Variants in AFF3 observed in about 807,000 individuals in gnomAD.
The protein encoded by AFF3 is AF4/FMR2 family member 3.
AFF3 carries 32 observed loss-of-function variants against 129.7 expected under a neutral mutation model. The observed-to-expected ratio is 0.25, with a 90% CI of 0.19 to 0.33. The LOEUF (loss-of-function observed/expected upper bound fraction) is 0.33. Among genes scored for constraint, AFF3 ranks in the 10% least tolerant of loss-of-function variants. The pLI is 1.00. For missense variants in AFF3, 1,373 were observed against 1,592.0 expected, an observed-to-expected ratio of 0.86 and a Z score of 2.34; for synonymous variants, 644 against 635.4, an observed-to-expected ratio of 1.01 and a Z score of -0.20.
At chr2:99,774,561 C>T (rs1438672969) in intron 8 of AFF3, among the ~76,000 whole-genome samples, 1 of 152,022 alleles carries the variant, frequency 6.6e-6, no homozygotes, top group Non-Finnish European at 1.5e-5. Flanking sequence ...GAAACTGGAC[C>T]CCTTCCTTAC....
intron 7 of AFF3, among the ~76,000 whole-genome samples, chr2:99,959,467 AAGGAAG>A (rs1677011059): frequency 6.6e-6 from 1 of 151,680 alleles, no homozygotes; most frequent in Non-Finnish European, 1.5e-5. Context: ...TTGACAAGAA[AAGGAAG>A]ATTAGCACAT....
chr2:100,059,872 G>A (rs927981733), intron 4 of AFF3, among the ~76,000 whole-genome samples: 1 of 152,192 alleles, frequency 6.6e-6, no homozygotes, highest in Non-Finnish European at 1.5e-5. Context: ...CAATGAAAAT[G>A]TATCTGGCAT....
chr2:99,907,087 C>T (rs1694772556), intron 7 of AFF3, among the ~76,000 whole-genome samples: 1 of 152,160 alleles, frequency 6.6e-6, no homozygotes, highest in African/African-American at 2.4e-5. Context: ...ATCAACCTCC[C>T]TCAACCCCTT....
chr2:99,733,107 C>T (rs1679965763), intron 10 of AFF3, among the ~76,000 whole-genome samples: 2 of 151,890 alleles, frequency 1.3e-5, no homozygotes, highest in Admixed American at 6.6e-5. Context: ...TGGCCGGGCG[C>T]GGTAGTTCAT....
chr2:100,017,160 CT>C lies in AFF3; in HGVS notation c.54-8229del, dbSNP rs1287346207. Among the ~76,000 whole-genome samples, 6 of 152,046 alleles carry C rather than the reference CT, an allele frequency of 3.9e-5. No individual in the cohort carries two copies. In the East Asian group the frequency reaches 1.2e-3, roughly 29 times the overall value. On this transcript the variant is annotated intron_variant, in intron 4 of 24. Coordinates refer to ENST00000672756, the MANE Select transcript of AFF3 (RefSeq NM_001386135.1). ...CAGTCAACAGTGCATATAACAAATT[CT>C]TAAATCCTAAAGAACATGACTATGC...
At chr2:99,597,406 T>A (rs891568054) in intron 14 of AFF3, among the ~76,000 whole-genome samples, 3 of 152,256 alleles carry the variant, frequency 2.0e-5, no homozygotes, top group African/African-American at 7.2e-5. Context: ...TGTGTATATA[T>A]GTCTTGTGTC....
chr2:99,624,546 C>T (rs971180958), intron 13 of AFF3, among the ~76,000 whole-genome samples: 4 of 152,124 alleles, frequency 2.6e-5, no homozygotes, highest in South Asian at 2.1e-4. Context: ...GTCACCCACA[C>T]GCAGCCCCAT....
intron 4 of AFF3, among the ~76,000 whole-genome samples, chr2:100,039,114 A>C (rs1685215029): frequency 6.6e-6 from 1 of 152,154 alleles, no homozygotes; most frequent in Non-Finnish European, 1.5e-5. Flanking sequence ...CAGTGTCTAA[A>C]ATTTTTGTAG....
chr2:100,075,450 A>G lies in AFF3; in HGVS notation c.53+28952T>C, dbSNP rs559965123. On this transcript the variant is annotated intron_variant, in intron 4 of 24. Transcript: ENST00000672756. ...CAGAAAGTGCAACAAATTATTATCC[A>G]GGCTGTGTGCTTCTCTTTCTCAGAA... is the stretch of plus-strand genomic sequence containing the variant. Among the ~76,000 whole-genome samples, 263 of 152,262 alleles carry G rather than the reference A, an allele frequency of 1.7e-3. 1 individual carries two copies. The highest frequency in any genetic ancestry group is 6.0e-3 in the African/African-American group (251 of 41,566).
chr2:99,635,292 T>C (rs1683549552), intron 13 of AFF3, among the ~76,000 whole-genome samples: 1 of 152,038 alleles, frequency 6.6e-6, no homozygotes. Flanking sequence ...ATATCATACA[T>C]ATACACATAT....
At chr2:99,772,411 C>A (rs990117555) in intron 8 of AFF3, among the ~76,000 whole-genome samples, 7 of 152,182 alleles carry the variant, frequency 4.6e-5, no homozygotes, top group African/African-American at 9.7e-5. Flanking sequence ...AATGTACACA[C>A]AAATACATGT....
Position 99,582,951 on chromosome 2 carries a change from G to A in AFF3, c.2640C>T (p.Ile880=). ...NKNEKMLRSP[I]SPLSDASKHK... is the part of the protein sequence containing the mutation. ...GTTTAGATGCATCAGAGAGGGGTGA[G>A]ATGGGCGACCGAAGCATTTTTTCAT... Residue 880 remains isoleucine, a synonymous_variant, in exon 17 of 25, where the codon ATC becomes ATT. Coordinates refer to ENST00000672756, the MANE Select transcript of AFF3 (RefSeq NM_001386135.1). 1 of 1,614,170 alleles carries A rather than the reference G, an allele frequency of 6.2e-7. No individual in the cohort carries two copies. The highest frequency in any genetic ancestry group is 8.5e-7 in the Non-Finnish European group (1 of 1,180,042).
chr2:99,547,456 C>T lies in AFF3; in HGVS notation c.*4018G>A. The T allele has an allele frequency of 4.7e-6, 1 of 211,222 alleles. No individual in the cohort carries two copies. 13.1% of individuals were successfully genotyped at this position (211,222 alleles called of 1,614,324 possible). A position where few individuals can be genotyped will look rare whatever the true frequency, so the allele number is the denominator to read the frequency against. ...CAAATAGGAAATCACACGCAGATTACTGGGTCTGAAGAGTGTCTACATTGT... is the reference window on the plus strand; with the variant it reads ...CAAATAGGAAATCACACGCAGATTATTGGGTCTGAAGAGTGTCTACATTGT... On this transcript the variant is annotated 3_prime_UTR_variant, in exon 25 of 25. Coordinates refer to ENST00000672756, the MANE Select transcript of AFF3 (RefSeq NM_001386135.1).
intron 8 of AFF3, among the ~76,000 whole-genome samples, chr2:99,825,460 A>G (rs1050415904): frequency 6.6e-6 from 1 of 152,252 alleles, no homozygotes; most frequent in Non-Finnish European, 1.5e-5. Flanking sequence ...GATAATAAAT[A>G]CAAATTTAAA....
At chr2:99,695,393 C>A (rs1676106917) in intron 11 of AFF3, among the ~76,000 whole-genome samples, 1 of 152,214 alleles carries the variant, frequency 6.6e-6, no homozygotes, top group Non-Finnish European at 1.5e-5. Flanking sequence ...CAGCTTGATT[C>A]ATTTAATTCA....
chr2:99,934,232 G>C (rs1041519642), intron 7 of AFF3, among the ~76,000 whole-genome samples: 1 of 152,152 alleles, frequency 6.6e-6, no homozygotes, highest in Admixed American at 6.5e-5. Context: ...TCCAGATGAA[G>C]TGTCAGGTCT....
In AFF3 at chr2:100,004,328, A is replaced by G. The variant is rs1681740131; in HGVS notation, c.873+2304T>C. On this transcript the variant is annotated intron_variant, in intron 7 of 24. Transcript: ENST00000672756. The stretch of plus-strand genomic sequence containing the variant: ...TATTTTTAAAAATATTGGCATGAAT[A>G]TTTTTGAAATTGTCACATTAAATCG... Among the ~76,000 whole-genome samples the G allele has an allele frequency of 2.0e-5, 3 of 152,354 alleles. No individual in the cohort carries two copies. In the South Asian group the frequency reaches 6.2e-4, roughly 32 times the overall value.
chr2:99,583,099 A>T, intron 16 of AFF3, 100 bp from the exon 17 acceptor site: 4 of 1,006,606 alleles, frequency 4.0e-6, no homozygotes, highest in Non-Finnish European at 6.0e-6. Flanking sequence ...ACCTGTTGGT[A>T]GGAGAAGCTT....
chr2:99,645,746 A>C (rs1367751256), intron 13 of AFF3, among the ~76,000 whole-genome samples: 3 of 152,206 alleles, frequency 2.0e-5, no homozygotes, highest in African/African-American at 2.4e-5. Context: ...ATGTAACGGA[A>C]ATATCACAGT....
Sources: allele counts gnomAD v4.1 joint callset (sites outside exome capture counted in the v4.1 genomes callset), GRCh38; gene constraint gnomAD v4.1.1; transcripts MANE v1.5; gene names NCBI Gene and HGNC (gene_info 2026-07-23, HGNC 2026-07-21).